The following ZNF536 variants were observed in gnomAD, a reference collection of about 807,000 sequenced individuals.
The protein encoded by ZNF536 is zinc finger protein 536.
ZNF536 carries 13 observed loss-of-function variants against 84.5 expected under a neutral mutation model. The ratio of observed to expected loss-of-function variants is 0.15; its 90% CI spans 0.10 to 0.24. ZNF536 has a LOEUF of 0.24. Among genes scored for constraint, ZNF536 ranks in the 10% least tolerant of loss-of-function variants. The pLI is 1.00. For synonymous variants in ZNF536, 811 were observed against 742.5 expected (o/e 1.09, Z -1.50); for missense variants, 1,536 against 1,747.5 (o/e 0.88, Z 2.16).
At chr19:30,647,738 G>GT (rs1363946216) in intron 1 of ZNF536, among the ~76,000 whole-genome samples, 2 of 152,110 alleles carry the variant, frequency 1.3e-5, no homozygotes, top group African/African-American at 4.8e-5. Context: ...TTTGGAAGTG[G>GT]TATTTCCTTT....
intron 2 of ZNF536, among the ~76,000 whole-genome samples, chr19:30,484,679 CTTCTTCT>C (rs1259017795): frequency 1.5e-4 from 23 of 148,810 alleles, no homozygotes; most frequent in East Asian, 3.9e-4. Flanking sequence ...TCTTCTTCTT[CTTCTTCT>C]TTTTTTTTTT....
intron 1 of ZNF536, among the ~76,000 whole-genome samples, chr19:30,663,813 A>G (rs955589451): frequency 1.9e-4 from 29 of 152,228 alleles, no homozygotes; most frequent in African/African-American, 6.8e-4. Context: ...TCGTGGAATT[A>G]AAAAATAGGC....
intron 1 of ZNF536, among the ~76,000 whole-genome samples, chr19:30,394,370 T>A (rs935391664): frequency 1.3e-5 from 2 of 152,152 alleles, no homozygotes; most frequent in Non-Finnish European, 2.9e-5. Flanking sequence ...TGATAGTGCA[T>A]GTGTGGGTAT....
At chr19:30,560,964 T>C (rs1042030110), downstream of ZNF536, among the ~76,000 whole-genome samples, 11 of 152,206 alleles carry the variant, frequency 7.2e-5, no homozygotes, top group African/African-American at 2.7e-4. Flanking sequence ...GCTATTTCAT[T>C]AGCAAAAATA....
At chr19:30,245,384 C>T (rs1225920536) in intron 1 of ZNF536, among the ~76,000 whole-genome samples, 1 of 152,218 alleles carries the variant, frequency 6.6e-6, no homozygotes, top group Non-Finnish European at 1.5e-5. Flanking sequence ...AAAGCCAGGG[C>T]CCCTAACAGT....
chr19:30,647,910 G>A (rs959288602), intron 1 of ZNF536, among the ~76,000 whole-genome samples: 43 of 152,264 alleles, frequency 2.8e-4, no homozygotes, highest in Admixed American at 2.7e-3. Context: ...CCCCATCTCC[G>A]GGTTTTAGGG....
At chr19:30,369,684 C>T (rs535177065), upstream of ZNF536, among the ~76,000 whole-genome samples, 1 of 152,304 alleles carries the variant, frequency 6.6e-6, no homozygotes, top group East Asian at 1.9e-4. Flanking sequence ...TCTGAAAATA[C>T]ATGTGTGCAT....
chr19:30,398,885 A>T (rs563065984), intron 1 of ZNF536, among the ~76,000 whole-genome samples: 3 of 152,208 alleles, frequency 2.0e-5, no homozygotes, highest in African/African-American at 7.2e-5. Context: ...ATATGTGTGC[A>T]TGTCTCTTTA....
At chr19:30,709,242 G>A (rs1310980273) in intron 1 of ZNF536, among the ~76,000 whole-genome samples, 1 of 152,136 alleles carries the variant, frequency 6.6e-6, no homozygotes, top group African/African-American at 2.4e-5. Context: ...CATTTCAAGA[G>A]TCACTATTCA....
chr19:30,395,150 A>T (rs757042107), intron 1 of ZNF536, among the ~76,000 whole-genome samples: 1 of 152,216 alleles, frequency 6.6e-6, no homozygotes, highest in Non-Finnish European at 1.5e-5. Flanking sequence ...CTTAATTGCT[A>T]CCAATTTTCA....
chr19:30,540,515 A>C (rs975402529), intron 3 of ZNF536, among the ~76,000 whole-genome samples: 3 of 152,058 alleles, frequency 2.0e-5, no homozygotes, highest in African/African-American at 7.3e-5. Flanking sequence ...ACTTTGCATT[A>C]ACTCGCTCCT....
At chr19:30,658,885 G>C (rs2050016303) in intron 1 of ZNF536, among the ~76,000 whole-genome samples, 1 of 152,192 alleles carries the variant, frequency 6.6e-6, no homozygotes, top group Non-Finnish European at 1.5e-5. Flanking sequence ...AATATACAGA[G>C]ACATAAACTT....
At chr19:30,533,540 A>G (rs1460376052) in intron 2 of ZNF536, among the ~76,000 whole-genome samples, 1 of 152,090 alleles carries the variant, frequency 6.6e-6, no homozygotes, top group East Asian at 1.9e-4. Context: ...AAAAAGAATT[A>G]AATGTGTTGT....
chr19:30,678,543 C>T (rs1051804080), intron 1 of ZNF536, among the ~76,000 whole-genome samples: 2 of 152,192 alleles, frequency 1.3e-5, no homozygotes, highest in African/African-American at 2.4e-5. Context: ...TTCCCTTCTG[C>T]TCACAGCATC....
At chr19:30,534,340 C>A (rs1322872924) in intron 2 of ZNF536, among the ~76,000 whole-genome samples, 1 of 152,176 alleles carries the variant, frequency 6.6e-6, no homozygotes, top group East Asian at 1.9e-4. Context: ...AAGAAATGAT[C>A]AGTTTTGGAT....
chr19:30,476,999 G>A (rs1336475762), intron 2 of ZNF536, among the ~76,000 whole-genome samples: 1 of 152,014 alleles, frequency 6.6e-6, no homozygotes, highest in East Asian at 1.9e-4. Flanking sequence ...ATGTTGTCCA[G>A]GCTGTACTGA....
chr19:30,360,702 C>T (rs1371618096), intron 3 of ZNF536, among the ~76,000 whole-genome samples: 1 of 152,220 alleles, frequency 6.6e-6, no homozygotes, highest in Non-Finnish European at 1.5e-5. Flanking sequence ...TCCGACTTCC[C>T]AGGATTCTGC....
At chr19:30,687,949 G>T (rs188265283) in intron 1 of ZNF536, among the ~76,000 whole-genome samples, 3 of 151,300 alleles carry the variant, frequency 2.0e-5, no homozygotes, top group East Asian at 1.9e-4. Flanking sequence ...ATTTTATTAC[G>T]TGTAGAGAAG....
intron 1 of ZNF536, among the ~76,000 whole-genome samples, chr19:30,428,107 G>A (rs898008906): frequency 6.6e-6 from 1 of 152,182 alleles, no homozygotes; most frequent in Non-Finnish European, 1.5e-5. Flanking sequence ...AATACAAAAG[G>A]TAAAGTTATT....
Sources: allele counts gnomAD v4.1 joint callset (sites outside exome capture counted in the v4.1 genomes callset), GRCh38; gene constraint gnomAD v4.1.1; transcripts MANE v1.5; gene names NCBI Gene and HGNC (gene_info 2026-07-23, HGNC 2026-07-21).